BCL2: variants seen among roughly 807,000 people sequenced by gnomAD.
The protein encoded by BCL2 is apoptosis regulator Bcl-2.
In BCL2, 1 loss-of-function variant was observed where a neutral mutation model predicts 14.2. That is an observed-to-expected ratio of 0.07 (90% CI 0.02 to 0.33). BCL2 has a LOEUF of 0.33. Ranked by LOEUF, BCL2 falls within the 10% of genes least tolerant of loss-of-function variation. The pLI, the probability that BCL2 is intolerant of heterozygous loss-of-function variation, is 0.99. For missense variants in BCL2, 247 were observed against 305.9 expected, an observed-to-expected ratio of 0.81 and a Z score of 1.44; for synonymous variants, 151 against 137.2, an observed-to-expected ratio of 1.10 and a Z score of -0.70.
chr18:63,199,497 T>A (rs568846780), intron 2 of BCL2, among the ~76,000 whole-genome samples: 1 of 134,866 alleles, frequency 7.4e-6, no homozygotes, highest in Non-Finnish European at 1.6e-5. Flanking sequence ...CAGAGACACA[T>A]GCATACACAG....
At chr18:63,265,616 GA>G (rs922633200) in intron 2 of BCL2, among the ~76,000 whole-genome samples, 1 of 151,076 alleles carries the variant, frequency 6.6e-6, no homozygotes, top group African/African-American at 2.4e-5. Context: ...GGCTATAAAA[GA>G]AAAAAAACTG....
rs369368851 is a variant in BCL2 at position 63,238,876 on chromosome 18, C to T, written c.585+79206G>A. Among the ~76,000 whole-genome samples, 4 of 152,226 alleles carry T rather than the reference C, an allele frequency of 2.6e-5. No individual in the cohort carries two copies. The East Asian group carries it at 7.7e-4, about 29-fold the overall frequency. ...CTTTTGTCTCTACCTGGAGCATCCC[C>T]ATCTGTCTATTGTGAAAGGACCAGG... On this transcript the variant is annotated intron_variant, in intron 2 of 2. Transcript: ENST00000333681.
At chr18:63,254,410 G>C (rs1679896) in intron 2 of BCL2, among the ~76,000 whole-genome samples, 2 of 11,212 alleles carry the variant, frequency 1.8e-4, no homozygotes, top group African/African-American at 4.6e-4. Flanking sequence ...AAAAAAAAAA[G>C]CTGGGTGTGG....
intron 2 of BCL2, among the ~76,000 whole-genome samples, chr18:63,272,013 CTT>C (rs1482578487): frequency 6.6e-6 from 1 of 152,178 alleles, no homozygotes; most frequent in African/African-American, 2.4e-5. Flanking sequence ...ACCACTTCCT[CTT>C]GTTTTCAAGT....
chr18:63,169,361 C>CTTTCTTTCTTTCTTTCT (rs1455512787), intron 2 of BCL2, among the ~76,000 whole-genome samples: 2 of 60,526 alleles, frequency 3.3e-5, no homozygotes, highest in African/African-American at 1.7e-4. Context: ...TTCTTTCTTT[C>CTTTCTTTCTTTCTTTCT]TTTCTTTCTC....
intron 2 of BCL2, among the ~76,000 whole-genome samples, chr18:63,305,404 C>T (rs1399360359): frequency 6.6e-6 from 1 of 152,144 alleles, no homozygotes; most frequent in Non-Finnish European, 1.5e-5. Context: ...CTTATTGGCT[C>T]GTACACACCT....
intron 2 of BCL2, among the ~76,000 whole-genome samples, chr18:63,129,286 T>C (rs890995791): frequency 2.5e-5 from 1 of 39,592 alleles, no homozygotes; most frequent in African/African-American, 4.8e-5. Context: ...ACCAAACTTT[T>C]TCTTTCTTTT....
intron 2 of BCL2, among the ~76,000 whole-genome samples, chr18:63,247,662 C>T (rs573049075): frequency 3.9e-4 from 59 of 152,172 alleles, no homozygotes; most frequent in Admixed American, 7.2e-4. Flanking sequence ...TGGTGGAGAG[C>T]GTCCTGAATG....
intron 2 of BCL2, among the ~76,000 whole-genome samples, chr18:63,264,078 A>G (rs1394980900): frequency 6.6e-6 from 1 of 152,140 alleles, no homozygotes; most frequent in Non-Finnish European, 1.5e-5. Context: ...CCTGCTGCGA[A>G]TCTTAAATGG....
intron 2 of BCL2, among the ~76,000 whole-genome samples, chr18:63,243,408 T>C (rs896244504): frequency 8.5e-5 from 13 of 152,048 alleles, no homozygotes; most frequent in African/African-American, 2.4e-4. Flanking sequence ...AAATAACTAA[T>C]GAGTACTGGG....
chr18:63,261,361 C>T (rs1568250609), intron 2 of BCL2, among the ~76,000 whole-genome samples: 1 of 151,926 alleles, frequency 6.6e-6, no homozygotes, highest in Non-Finnish European at 1.5e-5. Context: ...CCACTGGGAA[C>T]AAGGCAGATG....
intron 2 of BCL2, 189 bp downstream of exon 2, chr18:63,317,893 G>T (rs1913545806): frequency 7.0e-7 from 1 of 1,425,382 alleles, no homozygotes; most frequent in Non-Finnish European, 9.2e-7. Context: ...TAGATGGCAG[G>T]CGTTATCGGT....
chr18:63,149,873 ATTTATTTATT>A lies in BCL2; in HGVS notation c.586-21124_586-21115del, dbSNP rs1914608797. 6.7e-6 allele frequency among the ~76,000 whole-genome samples: 1 copy of A among 150,008 alleles called. No homozygotes were observed. Among genetic ancestry groups the A allele is most frequent in the South Asian group, 2.1e-4 (1 of 4,760 alleles). ...TATTTATTTATTTATTTATTTATTTATTTATTTATTTATTTATTTTGAGACAGCGTCTCCC... is the reference window on the plus strand; with the variant it reads ...TATTTATTTATTTATTTATTTATTTATATTTATTTTGAGACAGCGTCTCCC... On this transcript the variant is annotated intron_variant, in intron 2 of 2. Transcript: ENST00000333681. The surrounding 1 kb of genome is among the most constrained non-coding windows in gnomAD (Gnocchi z 4.2).
intron 2 of BCL2, among the ~76,000 whole-genome samples, chr18:63,291,768 G>T (rs1387283043): frequency 1.3e-5 from 2 of 149,554 alleles, no homozygotes; most frequent in African/African-American, 2.5e-5. Context: ...AATGCTGAAA[G>T]AATTTTTTAG....
At chr18:63,143,496 G>A (rs1412294179) in intron 2 of BCL2, among the ~76,000 whole-genome samples, 1 of 152,254 alleles carries the variant, frequency 6.6e-6, no homozygotes, top group Non-Finnish European at 1.5e-5. Flanking sequence ...GAAAAGTCGT[G>A]CCCCTGGGAG....
Position 63,127,803 on chromosome 18 carries a change from G to A in BCL2, c.*822C>T, listed in dbSNP as rs1399482491. 4 of 225,466 alleles carry A rather than the reference G, an allele frequency of 1.8e-5. No individual in the cohort carries two copies. The highest frequency in any genetic ancestry group is 2.7e-5 in the Non-Finnish European group (3 of 113,112). The allele number at this position is 225,466 out of a possible 1,614,324, so 14.0% of individuals were successfully genotyped here. A position where few individuals can be genotyped will look rare whatever the true frequency, so the allele number is the denominator to read the frequency against. Reference sequence around the variant, plus strand: ...ACAGAGCCAGTATTGGGAGTTGGGGGGTGCGTATCCAAAATATATGAATAT... The same window carrying A: ...ACAGAGCCAGTATTGGGAGTTGGGGAGTGCGTATCCAAAATATATGAATAT... On this transcript the variant is annotated 3_prime_UTR_variant, in exon 3 of 3. Coordinates refer to ENST00000333681, the MANE Select transcript of BCL2 (RefSeq NM_000633.3).
chr18:63,169,813 G>A (rs1444866212), intron 2 of BCL2, among the ~76,000 whole-genome samples: 3 of 152,152 alleles, frequency 2.0e-5, no homozygotes, highest in Admixed American at 6.5e-5. Flanking sequence ...GTGAGCCACC[G>A]TGCCCAGCGC....
chr18:63,201,943 G>A (rs556676491), intron 2 of BCL2, among the ~76,000 whole-genome samples: 1 of 152,130 alleles, frequency 6.6e-6, no homozygotes, highest in East Asian at 1.9e-4. Context: ...AAGCCTGCAC[G>A]TTCTGCACAT....
At chr18:63,253,584 A>G (rs960843732) in intron 2 of BCL2, among the ~76,000 whole-genome samples, 1 of 152,214 alleles carries the variant, frequency 6.6e-6, no homozygotes, top group Non-Finnish European at 1.5e-5. Context: ...TAAGCCGTTT[A>G]CAGTATAAAT....
Sources: gnomAD v4.1 joint callset for allele counts (sites outside exome capture counted in the v4.1 genomes callset) on GRCh38, gnomAD v4.1.1 for gene constraint, Gnocchi (gnomAD v3.1) non-coding constraint, MANE v1.5 for transcripts, NCBI Gene and HGNC (gene_info 2026-07-23, HGNC 2026-07-21) for gene names.